The following CASP10 variants were observed in gnomAD, a reference collection of about 807,000 sequenced individuals.
CASP10 encodes caspase-10.
In CASP10, 41 loss-of-function variants were observed where a neutral mutation model predicts 48.5. The observed-to-expected ratio is 0.85, with a 90% CI of 0.66 to 1.10. The LOEUF is 1.10. Ranked by LOEUF, CASP10 falls within the 50% of genes least tolerant of loss-of-function variation. CASP10 has a pLI of 0.00. For missense variants in CASP10, 614 were observed against 614.5 expected, an observed-to-expected ratio of 1.00 and a Z score of 0.01; for synonymous variants, 232 against 238.4, an observed-to-expected ratio of 0.97 and a Z score of 0.25.
At chr2:201,197,893 A>G (rs567633313) in intron 5 of CASP10, among the ~76,000 whole-genome samples, 17 of 152,340 alleles carry the variant, frequency 1.1e-4, no homozygotes, top group African/African-American at 4.1e-4. Context: ...ATGGTGGATT[A>G]TATAGTCATT....
chr2:201,206,836 C>A (rs573342433), intron 7 of CASP10, among the ~76,000 whole-genome samples: 1 of 152,008 alleles, frequency 6.6e-6, no homozygotes, highest in African/African-American at 2.4e-5. Flanking sequence ...TGAAAAAAAT[C>A]TTTGATATTT....
intron 1 of CASP10, among the ~76,000 whole-genome samples, chr2:201,184,853 T>C (rs1361143880): frequency 6.6e-6 from 1 of 152,166 alleles, no homozygotes; most frequent in Admixed American, 6.5e-5. Context: ...AAAACAAGTT[T>C]ATTAGAGAAG....
At chr2:201,201,929 C>T (rs1945033809) in intron 5 of CASP10, among the ~76,000 whole-genome samples, 1 of 152,194 alleles carries the variant, frequency 6.6e-6, no homozygotes, top group Non-Finnish European at 1.5e-5. Flanking sequence ...CAGCCCCCTG[C>T]AACTTCAGCC....
downstream of CASP10, among the ~76,000 whole-genome samples, chr2:201,225,993 G>T (rs889160137): frequency 1.3e-5 from 2 of 151,944 alleles, no homozygotes; most frequent in African/African-American, 2.4e-5. Flanking sequence ...AAAACCTGAG[G>T]GATGAGCCAC....
intron 9 of CASP10, among the ~76,000 whole-genome samples, chr2:201,227,162 G>A (rs1945798842): frequency 6.6e-6 from 1 of 152,114 alleles, no homozygotes; most frequent in South Asian, 2.1e-4. Context: ...CTTCAACTGA[G>A]TGCTAGATGT....
At chr2:201,195,973 A>G (rs1559299598) in intron 5 of CASP10, 25 bp downstream of exon 5, 5 of 1,509,716 alleles carry the variant, frequency 3.3e-6, no homozygotes, top group South Asian at 2.2e-5. Flanking sequence ...GTGCTGGTCA[A>G]TGCTTAACAA....
At chr2:201,184,446 T>C (rs1169661895) in intron 1 of CASP10, among the ~76,000 whole-genome samples, 1 of 151,820 alleles carries the variant, frequency 6.6e-6, no homozygotes, top group Non-Finnish European at 1.5e-5. Flanking sequence ...GCTTCAGCCC[T>C]CTGAGTAGTT....
At chr2:201,201,495 C>T (rs990787912) in intron 5 of CASP10, among the ~76,000 whole-genome samples, 7 of 152,118 alleles carry the variant, frequency 4.6e-5, no homozygotes, top group Non-Finnish European at 7.3e-5. Flanking sequence ...CACACACACA[C>T]GATTCTGCTC....
At chr2:201,223,607 C>T (rs990122505), downstream of CASP10, among the ~76,000 whole-genome samples, 4 of 152,272 alleles carry the variant, frequency 2.6e-5, no homozygotes, top group East Asian at 1.9e-4. Context: ...TTCTAAACTC[C>T]GGAGCCATAC....
At chr2:201,223,130 A>G (rs1945745738), downstream of CASP10, among the ~76,000 whole-genome samples, 1 of 152,236 alleles carries the variant, frequency 6.6e-6, no homozygotes, top group South Asian at 2.1e-4. Flanking sequence ...GAGTACTGCC[A>G]CACAATGACA....
intron 6 of CASP10, among the ~76,000 whole-genome samples, chr2:201,205,469 G>A (rs972922876): frequency 2.6e-5 from 4 of 151,770 alleles, no homozygotes; most frequent in African/African-American, 7.3e-5. Flanking sequence ...GGGCTCAAGC[G>A]ATCAGCCCGT....
intron 9 of CASP10, among the ~76,000 whole-genome samples, chr2:201,211,341 C>T (rs1181336215): frequency 1.3e-5 from 2 of 152,156 alleles, no homozygotes; most frequent in Non-Finnish European, 2.9e-5. Flanking sequence ...GTTATTTCTC[C>T]TATCTAATTG....
intron 1 of CASP10, 33 bp downstream of exon 1, chr2:201,183,341 T>G (rs1390025749): frequency 2.0e-5 from 3 of 152,146 alleles, no homozygotes; most frequent in Non-Finnish European, 4.4e-5. Flanking sequence ...TACTCCAGAG[T>G]CTCATGCTTG....
At chr2:201,193,301 G>A (rs1283299984) in intron 4 of CASP10, 182 bp downstream of exon 4, 13 of 509,488 alleles carry the variant, frequency 2.6e-5, no homozygotes, top group Admixed American at 8.3e-5. Flanking sequence ...TCCGCCTCCC[G>A]GGTTCAAGTG....
downstream of CASP10, among the ~76,000 whole-genome samples, chr2:201,225,356 G>T (rs1307547608): frequency 6.6e-6 from 1 of 152,174 alleles, no homozygotes; most frequent in Non-Finnish European, 1.5e-5. Flanking sequence ...AATTTGTACT[G>T]GAATTCCAGG....
intron 5 of CASP10, among the ~76,000 whole-genome samples, chr2:201,197,578 G>T (rs1368509478): frequency 6.6e-6 from 1 of 152,202 alleles, no homozygotes; most frequent in Non-Finnish European, 1.5e-5. Flanking sequence ...TTGCATCACT[G>T]CACTCCAGCT....
chr2:201,196,472 G>A (rs888303170), intron 5 of CASP10, among the ~76,000 whole-genome samples: 2 of 152,148 alleles, frequency 1.3e-5, no homozygotes, highest in Non-Finnish European at 2.9e-5. Flanking sequence ...GCTCTGAAAG[G>A]ATGGGTGGAA....
intron 9 of CASP10, among the ~76,000 whole-genome samples, chr2:201,227,587 C>T (rs112289708): frequency 1.4e-4 from 21 of 152,176 alleles, no homozygotes; most frequent in Non-Finnish European, 2.4e-4. Context: ...GATGGAGTCT[C>T]GCTCTGTTGC....
chr2:201,201,483 C>T (rs908903081), intron 5 of CASP10, among the ~76,000 whole-genome samples: 1 of 152,116 alleles, frequency 6.6e-6, no homozygotes, highest in Non-Finnish European at 1.5e-5. Flanking sequence ...AACACACACA[C>T]ACACACACAC....
Sources: gnomAD v4.1 joint callset for allele counts (sites outside exome capture counted in the v4.1 genomes callset) on GRCh38, gnomAD v4.1.1 for gene constraint, MANE v1.5 for transcripts, NCBI Gene and HGNC (gene_info 2026-07-23, HGNC 2026-07-21) for gene names.